The following CSMD1 variants were observed in gnomAD, a reference collection of about 807,000 sequenced individuals.
The protein encoded by CSMD1 is CUB and Sushi multiple domains 1.
CSMD1 carries 213 observed loss-of-function variants against 417.5 expected under a neutral mutation model. That is an observed-to-expected ratio of 0.51 (90% confidence interval 0.46 to 0.57). The LOEUF is 0.57. CSMD1 is among the 20% of genes least tolerant of loss of function. The pLI is 0.00. For missense variants in CSMD1, 6,923 were observed against 4,529.7 expected (o/e 1.53, Z -15.17); for synonymous variants, 2,862 against 1,736.8 (o/e 1.65, Z -16.11).
chr8:4,671,358 T>TA (rs555748862), intron 1 of CSMD1, among the ~76,000 whole-genome samples: 14 of 152,096 alleles, frequency 9.2e-5, no homozygotes, highest in Admixed American at 3.9e-4. Flanking sequence ...TTTATCTACT[T>TA]AAAAAAAATT....
intron 6 of CSMD1, among the ~76,000 whole-genome samples, chr8:3,740,593 G>C (rs547117204): frequency 1.4e-4 from 22 of 152,282 alleles, no homozygotes; most frequent in African/African-American, 4.8e-4. Context: ...GAAGGAGGAC[G>C]AGCAGGGGCT....
At chr8:4,906,449 T>G (rs1805281522) in intron 1 of CSMD1, among the ~76,000 whole-genome samples, 1 of 152,212 alleles carries the variant, frequency 6.6e-6, no homozygotes. Context: ...AGGACTGTGT[T>G]CATTAAGTTT....
At chr8:3,157,861 TGC>T (rs1271591926) in intron 39 of CSMD1, 34 bp downstream of exon 39, 1 of 1,507,780 alleles carries the variant, frequency 6.6e-7, no homozygotes. Flanking sequence ...TCCCAGTGTG[TGC>T]GCAGCAGCAG....
intron 3 of CSMD1, among the ~76,000 whole-genome samples, chr8:4,130,395 G>A (rs552358908): frequency 3.3e-5 from 5 of 152,192 alleles, no homozygotes; most frequent in African/African-American, 4.8e-5. Flanking sequence ...ATATACTTTT[G>A]ATCAACTTTT....
intron 3 of CSMD1, among the ~76,000 whole-genome samples, chr8:4,399,843 G>T (rs1282069822): frequency 2.0e-5 from 3 of 152,172 alleles, no homozygotes; most frequent in African/African-American, 7.2e-5. Flanking sequence ...CCATTAAGGT[G>T]AGAGAAAGAT....
chr8:4,188,518 A>G (rs1798816726), intron 3 of CSMD1, among the ~76,000 whole-genome samples: 2 of 152,200 alleles, frequency 1.3e-5, no homozygotes, highest in African/African-American at 4.8e-5. Flanking sequence ...TGACTTGCAA[A>G]TAGTTTATTT....
intron 3 of CSMD1, among the ~76,000 whole-genome samples, chr8:4,155,907 A>C (rs1395219799): frequency 1.3e-5 from 2 of 152,174 alleles, no homozygotes; most frequent in African/African-American, 4.8e-5. Context: ...AAGTGCGGGA[A>C]TGAGCTTTTG....
At chr8:3,569,665 T>A (rs1381820799) in intron 10 of CSMD1, among the ~76,000 whole-genome samples, 1 of 152,246 alleles carries the variant, frequency 6.6e-6, no homozygotes. Context: ...GTTCAATACG[T>A]AATACACTTT....
At chr8:4,365,457 G>C (rs1192423409) in intron 3 of CSMD1, among the ~76,000 whole-genome samples, 1 of 152,208 alleles carries the variant, frequency 6.6e-6, no homozygotes, top group South Asian at 2.1e-4. Flanking sequence ...TTTTTAGATT[G>C]TCTGTTCTTT....
At chr8:4,959,221 T>A (rs187776735) in intron 1 of CSMD1, among the ~76,000 whole-genome samples, 43 of 152,252 alleles carry the variant, frequency 2.8e-4, no homozygotes, top group African/African-American at 1.0e-3. Context: ...CATGAAGCGG[T>A]GCTTGTTATG....
intron 3 of CSMD1, among the ~76,000 whole-genome samples, chr8:4,096,418 C>T (rs1410291491): frequency 6.6e-6 from 1 of 152,042 alleles, no homozygotes; most frequent in Admixed American, 6.6e-5. Flanking sequence ...AGAGTGAAAA[C>T]AGGAAGGAAA....
At chr8:4,670,906 G>C (rs1196447584) in intron 1 of CSMD1, among the ~76,000 whole-genome samples, 1 of 152,176 alleles carries the variant, frequency 6.6e-6, no homozygotes, top group African/African-American at 2.4e-5. Context: ...AAATTTTAGT[G>C]ACAAGGATAG....
intron 3 of CSMD1, among the ~76,000 whole-genome samples, chr8:4,194,466 G>A (rs890359271): frequency 2.0e-5 from 3 of 152,020 alleles, no homozygotes; most frequent in Non-Finnish European, 4.4e-5. Context: ...TTACAATAGC[G>A]CCCTGTCACT....
At chr8:3,980,535 G>C (rs1314424502) in intron 5 of CSMD1, among the ~76,000 whole-genome samples, 1 of 140,130 alleles carries the variant, frequency 7.1e-6, no homozygotes, top group Non-Finnish European at 1.6e-5. Flanking sequence ...ATTTAGATTT[G>C]TCGTCTCTCT....
At chr8:3,473,976 TCTAG>T in intron 11 of CSMD1, among the ~76,000 whole-genome samples, 1 of 151,914 alleles carries the variant, frequency 6.6e-6, no homozygotes, top group African/African-American at 2.4e-5. Flanking sequence ...AACCATCAGA[TCTAG>T]TAAAAACTCC....
intron 1 of CSMD1, among the ~76,000 whole-genome samples, chr8:4,753,682 C>G (rs187386371): frequency 1.4e-3 from 215 of 152,298 alleles, no homozygotes; most frequent in African/African-American, 5.0e-3. Context: ...TCCCTGGTGT[C>G]TCTTCTGACC....
chr8:3,514,840 G>C lies in CSMD1; in HGVS notation c.1345-21114C>G, dbSNP rs1425259613. 4.6e-5 allele frequency among the ~76,000 whole-genome samples: 7 copies of C among 151,952 alleles called. No individual in the cohort carries two copies. The East Asian group carries it at 1.2e-3, about 25-fold the overall frequency. On this transcript the variant is annotated intron_variant, in intron 10 of 69. Transcript: ENST00000635120. Reference sequence around the variant, plus strand: ...ATATTATTAACACAAACAACATATTGCTGATAATATCTAATGACTTTTTAA... The same window carrying C: ...ATATTATTAACACAAACAACATATTCCTGATAATATCTAATGACTTTTTAA...
At chr8:3,828,365 A>C (rs951928642) in intron 5 of CSMD1, among the ~76,000 whole-genome samples, 54 of 152,192 alleles carry the variant, frequency 3.5e-4, no homozygotes, top group African/African-American at 1.3e-3. Context: ...TAGGATTTTC[A>C]TAGAATATTT....
intron 3 of CSMD1, among the ~76,000 whole-genome samples, chr8:4,127,622 A>AC (rs1802844522): frequency 6.6e-6 from 1 of 152,122 alleles, no homozygotes; most frequent in African/African-American, 2.4e-5. Flanking sequence ...CACCCAAAGT[A>AC]CCTGTATGCA....
Sources: gnomAD v4.1 joint callset for allele counts (sites outside exome capture counted in the v4.1 genomes callset) on GRCh38, gnomAD v4.1.1 for gene constraint, MANE v1.5 for transcripts, NCBI Gene and HGNC (gene_info 2026-07-23, HGNC 2026-07-21) for gene names.